MYO1F: variants seen among roughly 807,000 people sequenced by gnomAD.
MYO1F encodes unconventional myosin-If.
A neutral mutation model predicts 146.6 loss-of-function variants in MYO1F; 60 were observed. The observed-to-expected ratio is 0.41, with a 90% CI of 0.33 to 0.51. The LOEUF is 0.51. Among genes scored for constraint, MYO1F ranks in the 20% least tolerant of loss-of-function variants. The pLI, the probability that MYO1F is intolerant of heterozygous loss-of-function variation, is 0.25. For synonymous variants in MYO1F, 602 were observed against 602.1 expected, an observed-to-expected ratio of 1.00 and a Z score of 0.00; for missense variants, 1,274 against 1,534.3, an observed-to-expected ratio of 0.83 and a Z score of 2.83.
At chr19:8,532,816 A>G (rs966142253) in intron 19 of MYO1F, among the ~76,000 whole-genome samples, 13 of 149,412 alleles carry the variant, frequency 8.7e-5, no homozygotes, top group Admixed American at 6.8e-4. Context: ...TGAGCCCAGG[A>G]GGTTGAGGCT....
chr19:8,552,045 G>T lies in MYO1F; in HGVS notation c.624C>A (p.His208Gln), dbSNP rs776848982. 5 of 1,613,938 alleles carry T rather than the reference G, an allele frequency of 3.1e-6. No homozygotes were observed. In the African/African-American group the frequency reaches 6.7e-5, roughly 22 times the overall value. Residue 208 changes from histidine (H) to glutamine (Q), a missense_variant, in exon 7 of 28, where the codon CAC becomes CAA. Around this residue, in one of 2 missense-constraint regions of MYO1F, gnomAD observed 900 missense variants for 1,155.1 expected, o/e 0.78. Transcript: ENST00000644032. Reference sequence around the variant, plus strand: ...CCCTTCCCTGCACCTGGTAGTAGATGTGGAAGTTCCTCTCATTTTCATTTT... The same window carrying T: ...CCCTTCCCTGCACCTGGTAGTAGATTTGGAAGTTCCTCTCATTTTCATTTT... ...VMQNENERNFHIYYQLLEGAS... is the reference protein window; with the variant it reads ...VMQNENERNFQIYYQLLEGAS...
chr19:8,525,539 T>C lies in MYO1F; in HGVS notation c.2794A>G (p.Lys932Glu). ...TGGGACGACCTCCGAGGTTTTCCCT[T>C]GGCCATTCCCTTCCGCGTAGGCTCT... The part of the protein sequence containing the change: ...SSKPTRKGMA[K>E]GKPRRSSQAP... Residue 932 changes from lysine to glutamate, a missense_variant, in exon 25 of 28, where the codon AAG becomes GAG. By Grantham distance (56) the Lys-to-Glu change is moderately conservative (BLOSUM62 1). Around this residue, in one of 2 missense-constraint regions of MYO1F, gnomAD observed 374 missense variants for 379.2 expected, o/e 0.99. Coordinates refer to ENST00000644032, the MANE Select transcript of MYO1F (RefSeq NM_012335.4). 1 of 1,613,618 alleles carries C rather than the reference T, an allele frequency of 6.2e-7. No homozygotes were observed. The highest frequency in any genetic ancestry group is 8.5e-7 in the Non-Finnish European group (1 of 1,179,956).
intron 10 of MYO1F, 168 bp downstream of exon 10, chr19:8,549,992 G>T (rs557499869): frequency 8.2e-6 from 6 of 734,574 alleles, no homozygotes; most frequent in Non-Finnish European, 1.4e-5. Flanking sequence ...AGAGATGGGG[G>T]TCTTGCTATG....
chr19:8,530,122 C>A lies in MYO1F; in HGVS notation c.2328+74G>T, dbSNP rs538735247. 1.3e-6 allele frequency: 2 copies of A among 1,586,646 alleles called. No individual in the cohort carries two copies. The highest frequency in any genetic ancestry group is 2.7e-5 in the African/African-American group (2 of 74,286). On this transcript the variant is annotated intron_variant, in intron 21 of 27. Coordinates refer to ENST00000644032, the MANE Select transcript of MYO1F (RefSeq NM_012335.4). The surrounding 1 kb of genome is among the most constrained non-coding windows in gnomAD (Gnocchi z 5.8). Reference sequence around the variant, plus strand: ...AGGCTGGGGGATATCTGGCTGTGGGCAGGTGCATCTGGGCCAGGTGAGGGT... The same window carrying A: ...AGGCTGGGGGATATCTGGCTGTGGGAAGGTGCATCTGGGCCAGGTGAGGGT...
intron 1 of MYO1F, among the ~76,000 whole-genome samples, chr19:8,557,131 A>G (rs1380015950): frequency 6.6e-6 from 1 of 152,038 alleles, no homozygotes; most frequent in African/African-American, 2.4e-5. Context: ...TACAAAAAAT[A>G]GAAAAATTAG....
At position 8,550,217 on chromosome 19, in the gene MYO1F, G is replaced by T; in HGVS notation, c.1044C>A (p.Tyr348Ter). 1 of 1,614,204 alleles carries T rather than the reference G, an allele frequency of 6.2e-7. No homozygotes were observed. Among genetic ancestry groups the T allele is most frequent in the African/African-American group, 1.3e-5 (1 of 75,078 alleles). ...NVTLNVEQAA[Y>*]TRDALAKGLY... is the part of the protein sequence containing the mutation. ...GCCCCTTGGCCAGGGCATCACGGGT[G>T]TAGGCTGCCTGCTCCACGTTGAGGG... Residue 348 changes from tyrosine to a stop codon, truncating the protein, a stop_gained, in exon 10 of 28, where the codon TAC becomes TAA. Transcript: ENST00000644032. LOFTEE classifies it high-confidence loss of function.
chr19:8,541,786 G>T, intron 15 of MYO1F, 120 bp downstream of exon 15: 1 of 929,730 alleles, frequency 1.1e-6, no homozygotes, highest in Non-Finnish European at 1.7e-6. Context: ...TGGCCGCACA[G>T]CCACTCCCCT....
chr19:8,524,501 C>T (rs1179423513), intron 25 of MYO1F, among the ~76,000 whole-genome samples: 1 of 150,938 alleles, frequency 6.6e-6, no homozygotes, highest in African/African-American at 2.4e-5. Flanking sequence ...AGGAGAATCG[C>T]TTGAACCCAG....
chr19:8,535,371 G>T (rs574133771), intron 19 of MYO1F, among the ~76,000 whole-genome samples: 1 of 152,244 alleles, frequency 6.6e-6, no homozygotes, highest in East Asian at 1.9e-4. Flanking sequence ...TCTATAGACT[G>T]AAATTTTTGT....
At chr19:8,526,742 C>A in intron 23 of MYO1F, 47 bp downstream of exon 23, 1 of 1,557,792 alleles carries the variant, frequency 6.4e-7, no homozygotes, top group Non-Finnish European at 8.7e-7. Context: ...GAGGGTGCGC[C>A]GCGCCGAGAC....
At chr19:8,563,309 T>TC (rs1298523611) in intron 1 of MYO1F, among the ~76,000 whole-genome samples, 1 of 147,704 alleles carries the variant, frequency 6.8e-6, no homozygotes, top group East Asian at 2.0e-4. Context: ...TTTTTTTTTT[T>TC]TTTTTTGAGA....
rs1385677024 is a variant in MYO1F at position 8,521,571 on chromosome 19, C to T, written c.3254G>A (p.Gly1085Asp). Residue 1085 changes from glycine (G) to aspartate (D), a missense_variant, in exon 28 of 28, where the codon GGC becomes GAC. Physicochemically the swap from Gly to Asp is moderately conservative, Grantham distance 94. Coordinates refer to ENST00000644032, the MANE Select transcript of MYO1F (RefSeq NM_012335.4). Reference protein sequence around the residue: ...PSGWWKGRLHGQEGLFPGNYV... With the variant: ...PSGWWKGRLHDQEGLFPGNYV... ...GTTTCCTGGGAAAAGGCCCTCCTGG[C>T]CGTGAAGCCGGCCCTTCCACCAGCC... The T allele has an allele frequency of 8.1e-6, 13 of 1,614,052 alleles. No individual in the cohort carries two copies. Among genetic ancestry groups the T allele is most frequent in the African/African-American group, 1.3e-5 (1 of 74,942 alleles).
chr19:8,528,528 A>C (rs1374140505), intron 21 of MYO1F, among the ~76,000 whole-genome samples: 1 of 152,146 alleles, frequency 6.6e-6, no homozygotes, highest in African/African-American at 2.4e-5. Context: ...ATTCTGACTC[A>C]ACACACACAC....
At position 8,521,001 on chromosome 19, in the gene MYO1F, C is replaced by G; in HGVS notation, c.*527G>C. 4.3e-6 allele frequency: 1 copy of G among 231,038 alleles called. No individual in the cohort carries two copies. Among genetic ancestry groups the G allele is most frequent in the Non-Finnish European group, 8.8e-6 (1 of 113,810 alleles). The allele number at this position is 231,038 out of a possible 1,614,324, so 14.3% of individuals were successfully genotyped here. Reference sequence around the variant, plus strand: ...CTCTGTGCAGTCTTGGGTCAGTGAACCTCTCTGAACCTCCATTGTTCCACC... The same window carrying G: ...CTCTGTGCAGTCTTGGGTCAGTGAAGCTCTCTGAACCTCCATTGTTCCACC... On this transcript the variant is annotated 3_prime_UTR_variant, in exon 28 of 28. Coordinates refer to ENST00000644032, the MANE Select transcript of MYO1F (RefSeq NM_012335.4).
chr19:8,563,665 C>T (rs1258739233), intron 1 of MYO1F, among the ~76,000 whole-genome samples: 8 of 151,826 alleles, frequency 5.3e-5, no homozygotes, highest in African/African-American at 9.7e-5. Flanking sequence ...CCCATCAACA[C>T]GCCCAGCTAA....
chr19:8,537,291 GCT>G (rs1449986910), intron 16 of MYO1F, among the ~76,000 whole-genome samples: 3 of 152,110 alleles, frequency 2.0e-5, no homozygotes, highest in Non-Finnish European at 4.4e-5. Context: ...AAGACAAGGA[GCT>G]CTCACGTCTA....
rs1053802652 is a variant in MYO1F, at chr19:8,521,117, C to G, written c.*411G>C. On this transcript the variant is annotated 3_prime_UTR_variant, in exon 28 of 28. Transcript: ENST00000644032. ...CTTAGTAAGTTAACTCGTGCTTTCA[C>G]CTGGCAAAGGTTTATTGCCTTAGTG... 6.5e-6 allele frequency: 2 copies of G among 308,306 alleles called. No homozygotes were observed. Among genetic ancestry groups the G allele is most frequent in the Admixed American group, 8.8e-5 (2 of 22,618 alleles). 19.1% of individuals were successfully genotyped at this position (308,306 alleles called of 1,614,324 possible). A position where few individuals can be genotyped will look rare whatever the true frequency, so the allele number is the denominator to read the frequency against.
chr19:8,562,941 G>A (rs1287355749), intron 1 of MYO1F, among the ~76,000 whole-genome samples: 1 of 152,042 alleles, frequency 6.6e-6, no homozygotes, highest in African/African-American at 2.4e-5. Flanking sequence ...GGAGCACCTG[G>A]TGGCTCTCCT....
intron 1 of MYO1F, among the ~76,000 whole-genome samples, chr19:8,566,668 C>T (rs1218694559): frequency 6.6e-6 from 1 of 151,248 alleles, no homozygotes; most frequent in Admixed American, 6.6e-5. Context: ...TGCATGCCAC[C>T]ATGCCCAGGT....
Sources: gnomAD v4.1 joint callset for allele counts (sites outside exome capture counted in the v4.1 genomes callset) on GRCh38, gnomAD v4.1.1 for gene constraint, gnomAD v4.1.1 regional missense constraint, Gnocchi (gnomAD v3.1) non-coding constraint, MANE v1.5 for transcripts, NCBI Gene and HGNC (gene_info 2026-07-23, HGNC 2026-07-21) for gene names.